Variants in RPH3A observed in about 807,000 individuals in gnomAD.
RPH3A encodes the protein rabphilin-3A.
A neutral mutation model predicts 102.2 loss-of-function variants in RPH3A; 48 were observed. The ratio of observed to expected loss-of-function variants is 0.47; its 90% confidence interval spans 0.37 to 0.60. The LOEUF is 0.60. Among genes scored for constraint, RPH3A ranks in the 20% least tolerant of loss-of-function variants. RPH3A has a pLI of 0.00. For missense variants in RPH3A, 781 were observed against 910.1 expected (o/e 0.86, Z 1.83); for synonymous variants, 310 against 324.3 (o/e 0.96, Z 0.47).
At chr12:112,589,242 C>T (rs2039459667) in intron 1 of RPH3A, among the ~76,000 whole-genome samples, 1 of 152,142 alleles carries the variant, frequency 6.6e-6, no homozygotes, top group Non-Finnish European at 1.5e-5. Flanking sequence ...CCACCTTATT[C>T]CTGCCTCTTA....
chr12:112,722,879 TACA>T (rs1189803809), intron 1 of RPH3A, among the ~76,000 whole-genome samples: 2 of 152,242 alleles, frequency 1.3e-5, no homozygotes, highest in Non-Finnish European at 2.9e-5. Context: ...ACTCATTTTA[TACA>T]AGAAGTAAAA....
intron 1 of RPH3A, among the ~76,000 whole-genome samples, chr12:112,731,610 A>T (rs1419489604): frequency 1.3e-5 from 2 of 152,200 alleles, no homozygotes; most frequent in African/African-American, 4.8e-5. Context: ...GGCCCTCAAC[A>T]GCCTCCTGGG....
intron 2 of RPH3A, among the ~76,000 whole-genome samples, chr12:112,818,216 C>T (rs1015878920): frequency 6.1e-5 from 9 of 148,666 alleles, no homozygotes; most frequent in African/African-American, 2.0e-4. Flanking sequence ...AGGAGAATGG[C>T]GAGAATCCGG....
At chr12:112,630,019 T>C (rs145263081) in intron 1 of RPH3A, among the ~76,000 whole-genome samples, 1 of 152,220 alleles carries the variant, frequency 6.6e-6, no homozygotes, top group East Asian at 1.9e-4. Flanking sequence ...CATTTGATGA[T>C]CTATTACCAC....
At chr12:112,839,728 C>T (rs1025875619) in intron 4 of RPH3A, among the ~76,000 whole-genome samples, 3 of 152,162 alleles carry the variant, frequency 2.0e-5, no homozygotes, top group Non-Finnish European at 4.4e-5. Flanking sequence ...TGGCTCATGC[C>T]CAGAATCCCA....
intron 1 of RPH3A, among the ~76,000 whole-genome samples, chr12:112,783,332 C>T (rs1376638203): frequency 3.3e-5 from 5 of 152,128 alleles, no homozygotes; most frequent in African/African-American, 9.7e-5. Context: ...ACCCCACTTC[C>T]CTGGTCTCCC....
At chr12:112,799,388 T>TAAAAC (rs1403559944) in intron 2 of RPH3A, among the ~76,000 whole-genome samples, 9 of 152,196 alleles carry the variant, frequency 5.9e-5, no homozygotes, top group South Asian at 2.1e-4. Context: ...ACCCTGTGTC[T>TAAAAC]AAAACAAAAC....
At chr12:112,836,700 A>C (rs1353931024) in intron 4 of RPH3A, among the ~76,000 whole-genome samples, 198 bp downstream of exon 4, 1 of 152,006 alleles carries the variant, frequency 6.6e-6, no homozygotes. Flanking sequence ...TAAAAAAAAA[A>C]CTCATACCAA....
At chr12:112,723,769 C>G (rs1000230115) in intron 1 of RPH3A, among the ~76,000 whole-genome samples, 1 of 152,188 alleles carries the variant, frequency 6.6e-6, no homozygotes, top group African/African-American at 2.4e-5. Flanking sequence ...CTTGAGCTCA[C>G]TGAAATAGCA....
intron 1 of RPH3A, among the ~76,000 whole-genome samples, chr12:112,653,234 C>A (rs991963803): frequency 1.3e-5 from 2 of 151,708 alleles, no homozygotes; most frequent in Non-Finnish European, 2.9e-5. Flanking sequence ...ACTAAAAACA[C>A]AAAAATTAGC....
At chr12:112,755,434 C>T (rs2040817590) in intron 1 of RPH3A, among the ~76,000 whole-genome samples, 1 of 152,060 alleles carries the variant, frequency 6.6e-6, no homozygotes, top group Non-Finnish European at 1.5e-5. Context: ...TGGTGTTATA[C>T]AGGCACACCC....
chr12:112,709,923 C>T (rs932465952), intron 1 of RPH3A, among the ~76,000 whole-genome samples: 10 of 152,144 alleles, frequency 6.6e-5, no homozygotes, highest in African/African-American at 2.2e-4. Flanking sequence ...AGCCCAAAGC[C>T]GGAGCATCCT....
chr12:112,646,091 C>T (rs752003739), intron 1 of RPH3A, among the ~76,000 whole-genome samples: 1 of 152,034 alleles, frequency 6.6e-6, no homozygotes, highest in Non-Finnish European at 1.5e-5. Context: ...GTTGCAGGTG[C>T]CATGTGCTAT....
At chr12:112,769,914 T>C (rs1195159713) in intron 1 of RPH3A, among the ~76,000 whole-genome samples, 1 of 152,218 alleles carries the variant, frequency 6.6e-6, no homozygotes, top group East Asian at 1.9e-4. Flanking sequence ...TGTCATATGA[T>C]AGATTTATAT....
intron 2 of RPH3A, among the ~76,000 whole-genome samples, chr12:112,826,289 G>A (rs1423163473): frequency 6.6e-6 from 1 of 152,198 alleles, no homozygotes; most frequent in Non-Finnish European, 1.5e-5. Flanking sequence ...GGCCTTTGGG[G>A]CTGGGAAAGA....
chr12:112,808,097 A>G (rs2041503445), intron 2 of RPH3A, among the ~76,000 whole-genome samples: 1 of 152,174 alleles, frequency 6.6e-6, no homozygotes, highest in Admixed American at 6.5e-5. Context: ...CTCTTATTCA[A>G]AACCTTACCC....
chr12:112,660,165 T>C (rs1014961894), intron 1 of RPH3A, among the ~76,000 whole-genome samples: 1 of 152,186 alleles, frequency 6.6e-6, no homozygotes, highest in African/African-American at 2.4e-5. Flanking sequence ...CATTGATAAA[T>C]ATATACATAA....
intron 19 of RPH3A, among the ~76,000 whole-genome samples, chr12:112,892,089 A>G (rs1470502638): frequency 6.6e-6 from 1 of 152,238 alleles, no homozygotes; most frequent in Non-Finnish European, 1.5e-5. Flanking sequence ...AGAAATGTTT[A>G]GCACCTCAGT....
chr12:112,639,714 C>T (rs2135990708), intron 1 of RPH3A, among the ~76,000 whole-genome samples: 1 of 152,290 alleles, frequency 6.6e-6, no homozygotes, highest in South Asian at 2.1e-4. Context: ...CTGAAAGACA[C>T]CAAAGGGCTG....
Sources: allele counts gnomAD v4.1 joint callset (sites outside exome capture counted in the v4.1 genomes callset), GRCh38; gene constraint gnomAD v4.1.1; transcripts MANE v1.5; gene names NCBI Gene and HGNC (gene_info 2026-07-23, HGNC 2026-07-21).